The following UBE4B variants were observed in gnomAD, a reference collection of about 807,000 sequenced individuals.
The protein encoded by UBE4B is ubiquitin conjugation factor E4 B.
Under a neutral mutation model 148.1 loss-of-function variants are expected in UBE4B, and 27 were observed. That is an observed-to-expected ratio of 0.18 (90% confidence interval 0.13 to 0.25). The LOEUF (loss-of-function observed/expected upper bound fraction) is 0.25, where lower values mean the gene tolerates loss of function less well. UBE4B is among the 10% of genes least tolerant of loss of function. The pLI, the probability that UBE4B is intolerant of heterozygous loss-of-function variation, is 1.00. For missense variants in UBE4B, 1,170 were observed against 1,662.4 expected (o/e 0.70, Z 5.15); for synonymous variants, 596 against 619.3 (o/e 0.96, Z 0.56).
intron 21 of UBE4B, among the ~76,000 whole-genome samples, chr1:10,155,643 A>G (rs988927889): frequency 3.9e-5 from 6 of 152,220 alleles, no homozygotes; most frequent in Non-Finnish European, 8.8e-5. Flanking sequence ...GGACCCTCAG[A>G]TATAAATTAA....
intron 7 of UBE4B, among the ~76,000 whole-genome samples, chr1:10,107,578 T>C (rs1051505521): frequency 1.0e-5 from 1 of 95,918 alleles, no homozygotes; most frequent in African/African-American, 7.8e-5. Flanking sequence ...CTTTCTTTCT[T>C]TTTTTTTTTT....
Position 10,106,467 on chromosome 1 carries a change from C to T in UBE4B, c.1080C>T (p.Pro360=). ...GTCCCCCTGCCCTCGCCAGTAGCCC[C>T]CAAGCAGTGCCCGCCAGCAGTTCCA... ...SPSPPALASS[P]QAVPASSSRQ... is the part of the protein sequence containing the mutation. Residue 360 remains proline, a synonymous_variant, in exon 7 of 28, where the codon CCC becomes CCT. Transcript: ENST00000343090. This position sits in a 1 kb window ranked among gnomAD's most constrained non-coding sequence, Gnocchi z 4.2. 6.2e-7 allele frequency: 1 copy of T among 1,613,956 alleles called. No homozygotes were observed. The highest frequency in any genetic ancestry group is 8.5e-7 in the Non-Finnish European group (1 of 1,179,994).
In UBE4B at chr1:10,130,809, G is replaced by A; in HGVS notation, c.1907G>A (p.Gly636Glu). 1.2e-6 allele frequency: 2 copies of A among 1,614,056 alleles called. No homozygotes were observed. Among genetic ancestry groups the A allele is most frequent in the Non-Finnish European group, 1.7e-6 (2 of 1,179,922 alleles). ...SQSLQHYLEL[G>E]RQELFKILHS... is the part of the protein sequence containing the mutation. ...TCATTGCAGCATTACTTAGAGCTCG[G>A]AAGGGTAAGTGTTCAGAAAACAAAT... The change falls in exon 14 of 28, where the codon GGA becomes GAA. Residue 636 changes from glycine (G) to glutamate (E), a missense_variant. Physicochemically the swap from Gly to Glu is moderately conservative, Grantham distance 98. This residue lies in a region of UBE4B where 388 missense variants were observed against 536.0 expected (regional missense o/e 0.72). Coordinates refer to ENST00000343090, the MANE Select transcript of UBE4B (RefSeq NM_001105562.3).
intron 21 of UBE4B, among the ~76,000 whole-genome samples, chr1:10,154,113 T>C (rs1429601698): frequency 6.6e-6 from 1 of 151,480 alleles, no homozygotes; most frequent in Non-Finnish European, 1.5e-5. Flanking sequence ...CATGGTGGCA[T>C]GTGCCTGTAG....
intron 2 of UBE4B, among the ~76,000 whole-genome samples, chr1:10,080,567 C>G (rs2101846892): frequency 6.6e-6 from 1 of 152,144 alleles, no homozygotes; most frequent in Non-Finnish European, 1.5e-5. Context: ...GAGTATATAT[C>G]CAAAGAAATT....
In UBE4B at chr1:10,180,292, A is replaced by G. The variant is rs1269813760; in HGVS notation, c.*336A>G. ...TAATGGGTCTGGGCAGCATCCCTTC[A>G]TGAATTTTTTTTTAATCCAATATCC... On this transcript the variant is annotated 3_prime_UTR_variant, in exon 28 of 28. Transcript: ENST00000343090. 7.9e-6 allele frequency: 2 copies of G among 254,164 alleles called. No individual in the cohort carries two copies. Among genetic ancestry groups the G allele is most frequent in the African/African-American group, 2.2e-5 (1 of 44,772 alleles). 15.7% of individuals were successfully genotyped at this position (254,164 alleles called of 1,614,324 possible).
At position 10,168,369 on chromosome 1, in the gene UBE4B, G is replaced by C; in HGVS notation, c.3333+99G>C. On this transcript the variant is annotated intron_variant, in intron 24 of 27. Coordinates refer to ENST00000343090, the MANE Select transcript of UBE4B (RefSeq NM_001105562.3). This position sits in a 1 kb window ranked among gnomAD's most constrained non-coding sequence, Gnocchi z 4.9. The stretch of plus-strand genomic sequence containing the variant: ...GTTGTTGAAGTTCTGGAAATTTTAG[G>C]ATCACAGTCATCAATAAGTGAAATT... 6.7e-7 allele frequency: 1 copy of C among 1,482,692 alleles called. No individual in the cohort carries two copies. Among genetic ancestry groups the C allele is most frequent in the East Asian group, 2.5e-5 (1 of 40,478 alleles). 91.8% of individuals were successfully genotyped at this position (1,482,692 alleles called of 1,614,324 possible). A position where few individuals can be genotyped will look rare whatever the true frequency, so the allele number is the denominator to read the frequency against.
At position 10,171,131 on chromosome 1, in the gene UBE4B, T is replaced by C; in HGVS notation, c.3334-7T>C. The C allele has an allele frequency of 6.2e-7, 1 of 1,612,366 alleles. No individual in the cohort carries two copies. The highest frequency in any genetic ancestry group is 8.5e-7 in the Non-Finnish European group (1 of 1,179,084). ...ATGAATTGTCCTATTATCCTGTGAT[T>C]TCCTAGGAGCTTGGACCCCGATTGG... is the stretch of plus-strand genomic sequence containing the variant. On this transcript the variant is annotated splice_region_variant and splice_polypyrimidine_tract_variant and intron_variant, in intron 24 of 27. Transcript: ENST00000343090.
intron 19 of UBE4B, 60 bp from the exon 20 acceptor site, chr1:10,149,124 C>T (rs1645929951): frequency 1.6e-6 from 2 of 1,218,928 alleles, no homozygotes; most frequent in East Asian, 2.4e-5. Flanking sequence ...TGTAATACTC[C>T]TTGTAGTTTG....
chr1:10,151,775 G>T (rs759610657), intron 21 of UBE4B, among the ~76,000 whole-genome samples: 2 of 152,084 alleles, frequency 1.3e-5, no homozygotes, highest in Non-Finnish European at 2.9e-5. Flanking sequence ...GGTCTCTGAT[G>T]ATTCAGCAGG....
intron 7 of UBE4B, among the ~76,000 whole-genome samples, chr1:10,113,415 A>G (rs375633338): frequency 5.9e-4 from 90 of 152,218 alleles, no homozygotes; most frequent in African/African-American, 1.9e-3. Flanking sequence ...AACCATATCA[A>G]TCACCAAAAC....
Position 10,168,320 on chromosome 1 carries a change from ACT to A in UBE4B, c.3333+56_3333+57del, listed in dbSNP as rs1422176442. ...TTGGTGGTTTGGACTCCACATTCAG[ACT>A]CTCTCACTTATAACTTTAGCAGTTG... is the stretch of plus-strand genomic sequence containing the variant. On this transcript the variant is annotated intron_variant, in intron 24 of 27. Transcript: ENST00000343090. The surrounding 1 kb of genome is among the most constrained non-coding windows in gnomAD (Gnocchi z 4.9). The A allele has an allele frequency of 3.1e-6, 5 of 1,596,784 alleles. No homozygotes were observed. Among genetic ancestry groups the A allele is most frequent in the East Asian group, 2.3e-5 (1 of 44,128 alleles).
intron 21 of UBE4B, among the ~76,000 whole-genome samples, chr1:10,155,219 G>C (rs1055419437): frequency 1.3e-5 from 2 of 152,116 alleles, no homozygotes; most frequent in African/African-American, 4.8e-5. Flanking sequence ...GGTGGGGGTT[G>C]TTCTCTCTTT....
chr1:10,042,226 TGTA>T (rs778011902), intron 1 of UBE4B, among the ~76,000 whole-genome samples: 4 of 152,306 alleles, frequency 2.6e-5, no homozygotes, highest in Non-Finnish European at 5.9e-5. Context: ...ACACGGCACT[TGTA>T]GTATCTAGTG....
intron 16 of UBE4B, 48 bp from the exon 17 acceptor site, chr1:10,137,019 T>G (rs761019133): frequency 6.2e-7 from 1 of 1,603,800 alleles, no homozygotes; most frequent in African/African-American, 1.3e-5. Flanking sequence ...TTTCTCTGAT[T>G]GAGACATGTA....
At chr1:10,053,222 C>T (rs1460095149) in intron 1 of UBE4B, among the ~76,000 whole-genome samples, 3 of 144,464 alleles carry the variant, frequency 2.1e-5, no homozygotes, top group African/African-American at 5.2e-5. Flanking sequence ...GATCTCGGCT[C>T]GCTGCAAGCT....
intron 18 of UBE4B, 146 bp downstream of exon 18, chr1:10,145,185 CTT>C: frequency 1.8e-6 from 1 of 559,990 alleles, no homozygotes; most frequent in South Asian, 2.8e-5. Context: ...TATTTTAAAA[CTT>C]GTTGATACCT....
chr1:10,033,597 T>A lies in UBE4B; in HGVS notation c.-74T>A, dbSNP rs1398326801. On this transcript the variant is annotated 5_prime_UTR_variant, in exon 1 of 28. Coordinates refer to ENST00000343090, the MANE Select transcript of UBE4B (RefSeq NM_001105562.3). ...AGACAGCCTGATAGACACCTTCCAC[T>A]CTCCTTCCTCCCGCCGTGGTCTCGA... is the stretch of plus-strand genomic sequence containing the variant. 1.9e-5 allele frequency: 27 copies of A among 1,439,832 alleles called. No homozygotes were observed. The highest frequency in any genetic ancestry group is 2.2e-5 in the Non-Finnish European group (24 of 1,087,586). The allele number at this position is 1,439,832 out of a possible 1,614,324, so 89.2% of individuals were successfully genotyped here.
Position 10,033,554 on chromosome 1 carries a change from T to C in UBE4B, c.-117T>C. On this transcript the variant is annotated 5_prime_UTR_variant, in exon 1 of 28. Coordinates refer to ENST00000343090, the MANE Select transcript of UBE4B (RefSeq NM_001105562.3). ...CCTCTGACTATGCAATTCTGAAACCTCCCCCATTCGGGGGACCAGACAGCC... is the reference window on the plus strand; with the variant it reads ...CCTCTGACTATGCAATTCTGAAACCCCCCCCATTCGGGGGACCAGACAGCC... 4.8e-6 allele frequency: 6 copies of C among 1,256,852 alleles called. No individual in the cohort carries two copies. Among genetic ancestry groups the C allele is most frequent in the Non-Finnish European group, 6.3e-6 (6 of 947,184 alleles). The allele number at this position is 1,256,852 out of a possible 1,614,324, so 77.9% of individuals were successfully genotyped here. A position where few individuals can be genotyped will look rare whatever the true frequency, so the allele number is the denominator to read the frequency against.
Sources: allele counts gnomAD v4.1 joint callset (sites outside exome capture counted in the v4.1 genomes callset), GRCh38; gene constraint gnomAD v4.1.1; regional missense constraint gnomAD v4.1.1; non-coding constraint Gnocchi (gnomAD v3.1); transcripts MANE v1.5; gene names NCBI Gene and HGNC (gene_info 2026-07-23, HGNC 2026-07-21).